The following SLIT3 variants were observed in gnomAD, a reference collection of about 807,000 sequenced individuals.
SLIT3 encodes the protein slit homolog 3 protein.
A neutral mutation model predicts 184.0 loss-of-function variants in SLIT3; 68 were observed. The observed-to-expected ratio is 0.37, with a 90% confidence interval of 0.30 to 0.45. The LOEUF is 0.45. Ranked by LOEUF, SLIT3 falls within the 20% of genes least tolerant of loss-of-function variation. SLIT3 has a pLI of 1.00. For synonymous variants in SLIT3, 831 were observed against 828.6 expected (o/e 1.00, Z -0.05); for missense variants, 1,707 against 2,026.0 (o/e 0.84, Z 3.02).
Position 168,681,270 on chromosome 5 carries a change from G to A in SLIT3, c.3686+2696C>T, listed in dbSNP as rs182998837. Among the ~76,000 whole-genome samples the A allele has an allele frequency of 2.4e-3, 358 of 152,324 alleles. No individual in the cohort carries two copies. In the Middle Eastern group the frequency reaches 0.031, roughly 13 times the overall value. Reference sequence around the variant, plus strand: ...GGAACCACTGCTTGTTGATATGTGTGTCTTCCTCCCTGGACTGTGTTTGTT... The same window carrying A: ...GGAACCACTGCTTGTTGATATGTGTATCTTCCTCCCTGGACTGTGTTTGTT... On this transcript the variant is annotated intron_variant, in intron 32 of 35. Transcript: ENST00000519560.
intron 4 of SLIT3, among the ~76,000 whole-genome samples, chr5:168,975,667 A>G (rs1754728986): frequency 6.6e-6 from 1 of 152,198 alleles, no homozygotes; most frequent in Non-Finnish European, 1.5e-5. Context: ...AAAAAAATTC[A>G]GCCACTTTTT....
intron 1 of SLIT3, among the ~76,000 whole-genome samples, chr5:169,270,015 A>G (rs571523100): frequency 6.6e-5 from 10 of 152,200 alleles, no homozygotes; most frequent in Non-Finnish European, 1.0e-4. Flanking sequence ...AGATCTCTAC[A>G]CTTTACATAA....
chr5:168,863,826 C>A (rs1296768133), intron 5 of SLIT3, among the ~76,000 whole-genome samples: 1 of 152,120 alleles, frequency 6.6e-6, no homozygotes, highest in Non-Finnish European at 1.5e-5. Flanking sequence ...AAAAGCAACA[C>A]CCTTCTGCCC....
rs1173473792 is a variant in SLIT3 at position 168,817,430 on chromosome 5, G to A, written c.663C>T (p.Cys221=). 1.2e-6 allele frequency: 2 copies of A among 1,614,200 alleles called. No homozygotes were observed. Among genetic ancestry groups the A allele is most frequent in the South Asian group, 2.2e-5 (2 of 91,084 alleles). The part of the protein sequence containing the change: ...RLHSNHLYCD[C]HLAWLSDWLR... Reference sequence around the variant, plus strand: ...GCCAATCCGAGAGCCAGGCCAGGTGGCAGTCGCAGTACAGGTGGTTGGAGT... The same window carrying A: ...GCCAATCCGAGAGCCAGGCCAGGTGACAGTCGCAGTACAGGTGGTTGGAGT... Residue 221 remains cysteine (C), a synonymous_variant, in exon 8 of 36, where the codon TGC becomes TGT. Transcript: ENST00000519560.
chr5:169,215,735 A>C (rs1272143357), intron 3 of SLIT3, among the ~76,000 whole-genome samples: 1 of 152,224 alleles, frequency 6.6e-6, no homozygotes. Flanking sequence ...TGAATAAAGA[A>C]GGAAAGATTG....
In SLIT3 at chr5:168,785,993, G is replaced by A; in HGVS notation, c.1080-15C>T. On this transcript the variant is annotated splice_polypyrimidine_tract_variant and intron_variant, in intron 11 of 35. Transcript: ENST00000519560. ...CATACAGGACCCTGAAAGAGAGAAG[G>A]AGAAGACAGCAATCACTGTGGATGT... 1 of 1,585,828 alleles carries A rather than the reference G, an allele frequency of 6.3e-7. No individual in the cohort carries two copies. The highest frequency in any genetic ancestry group is 1.1e-5 in the South Asian group (1 of 90,536).
At chr5:169,116,070 TG>T (rs1290980771) in intron 4 of SLIT3, among the ~76,000 whole-genome samples, 2 of 152,160 alleles carry the variant, frequency 1.3e-5, no homozygotes, top group Non-Finnish European at 2.9e-5. Context: ...AGAGACTCCC[TG>T]GGGCTGAGGC....
chr5:168,967,969 T>C (rs9791119), intron 4 of SLIT3, among the ~76,000 whole-genome samples: 6,022 of 152,344 alleles, frequency 0.04, 156 homozygotes, highest in Middle Eastern at 0.065. Context: ...CCAGATTCTC[T>C]TCCCAAGCTT....
At chr5:168,932,212 G>A (rs1016569342) in intron 4 of SLIT3, among the ~76,000 whole-genome samples, 17 of 150,168 alleles carry the variant, frequency 1.1e-4, no homozygotes, top group Non-Finnish European at 2.4e-4. Flanking sequence ...AGCCCCAAAT[G>A]CCAACTCCCT....
intron 32 of SLIT3, among the ~76,000 whole-genome samples, chr5:168,675,157 T>A (rs1422758523): frequency 6.6e-6 from 1 of 152,168 alleles, no homozygotes; most frequent in African/African-American, 2.4e-5. Context: ...CTTCCTTCCC[T>A]GAAGCTCTCT....
At chr5:169,122,040 C>A (rs1477585772) in intron 4 of SLIT3, among the ~76,000 whole-genome samples, 1 of 152,198 alleles carries the variant, frequency 6.6e-6, no homozygotes, top group Non-Finnish European at 1.5e-5. Flanking sequence ...GGGCAACTTC[C>A]GGTTGCTTTC....
chr5:168,953,470 TA>T (rs1161325584), intron 4 of SLIT3, among the ~76,000 whole-genome samples: 2 of 152,226 alleles, frequency 1.3e-5, no homozygotes, highest in Admixed American at 1.3e-4. Flanking sequence ...TATGTCAGAA[TA>T]TTACATTCTT....
chr5:168,674,968 C>A (rs1238150835), intron 32 of SLIT3, among the ~76,000 whole-genome samples: 1 of 152,118 alleles, frequency 6.6e-6, no homozygotes, highest in African/African-American at 2.4e-5. Flanking sequence ...GATGAAGACA[C>A]CGAGGCCCAG....
At chr5:168,795,615 C>A (rs1756539975) in intron 9 of SLIT3, 37 bp from the exon 10 acceptor site, 3 of 1,544,044 alleles carry the variant, frequency 1.9e-6, no homozygotes, top group South Asian at 1.1e-5. Flanking sequence ...ATTAACCATC[C>A]ACCTGTCAAC....
At chr5:168,749,010 A>C (rs1754601888) in intron 19 of SLIT3, among the ~76,000 whole-genome samples, 1 of 152,200 alleles carries the variant, frequency 6.6e-6, no homozygotes, top group Non-Finnish European at 1.5e-5. Context: ...TCTGTTTCTC[A>C]TGAGTACATA....
At chr5:168,934,978 A>G (rs190970308) in intron 4 of SLIT3, among the ~76,000 whole-genome samples, 2,221 of 150,734 alleles carry the variant, frequency 0.015, 55 homozygotes, top group African/African-American at 0.05. Context: ...AAAAAAAAAA[A>G]AAAACAAAAA....
intron 3 of SLIT3, among the ~76,000 whole-genome samples, chr5:169,239,642 T>C (rs1322189088): frequency 2.6e-5 from 4 of 152,086 alleles, no homozygotes; most frequent in Non-Finnish European, 5.9e-5. Flanking sequence ...TTTTTATTCT[T>C]CATGTTGGTA....
At chr5:169,039,317 GTTT>G (rs201685130) in intron 4 of SLIT3, among the ~76,000 whole-genome samples, 4,257 of 131,776 alleles carry the variant, frequency 0.032, 200 homozygotes, top group African/African-American at 0.11. Flanking sequence ...TTTTTTTTGT[GTTT>G]TTTTTTTTTT....
intron 4 of SLIT3, among the ~76,000 whole-genome samples, chr5:169,124,569 G>A (rs1286589987): frequency 1.3e-5 from 2 of 152,206 alleles, no homozygotes; most frequent in African/African-American, 2.4e-5. Flanking sequence ...ACTCTAGAGA[G>A]AAGTATAGAT....
Sources: gnomAD v4.1 joint callset for allele counts (sites outside exome capture counted in the v4.1 genomes callset) on GRCh38, gnomAD v4.1.1 for gene constraint, MANE v1.5 for transcripts, NCBI Gene and HGNC (gene_info 2026-07-23, HGNC 2026-07-21) for gene names.